Variants in PCSK6 observed in about 807,000 individuals in gnomAD.
The protein encoded by PCSK6 is proprotein convertase subtilisin/kexin type 6.
In PCSK6, 85 loss-of-function variants were observed where a neutral mutation model predicts 123.3. That is an observed-to-expected ratio of 0.69 (90% confidence interval 0.58 to 0.83). PCSK6 has a LOEUF of 0.83. Among genes scored for constraint, PCSK6 ranks in the 40% least tolerant of loss-of-function variants. The probability of loss-of-function intolerance (pLI) is 0.00; values close to 1 mark genes in which losing one functional copy is unlikely to be tolerated. For synonymous variants in PCSK6, 508 were observed against 516.0 expected, an observed-to-expected ratio of 0.98 and a Z score of 0.21; for missense variants, 1,191 against 1,282.3, an observed-to-expected ratio of 0.93 and a Z score of 1.09.
intron 13 of PCSK6, among the ~76,000 whole-genome samples, chr15:101,360,368 C>G (rs1348946442): frequency 6.6e-6 from 1 of 152,198 alleles, no homozygotes; most frequent in African/African-American, 2.4e-5. Context: ...TGACAAAGCC[C>G]AGTGCGATCT....
At chr15:101,454,325 G>A (rs1430965780) in intron 1 of PCSK6, among the ~76,000 whole-genome samples, 1 of 152,154 alleles carries the variant, frequency 6.6e-6, no homozygotes, top group East Asian at 1.9e-4. Flanking sequence ...CTGCATACCC[G>A]TGTTCACAGC....
intron 1 of PCSK6, among the ~76,000 whole-genome samples, chr15:101,463,959 A>G (rs2057397264): frequency 1.3e-5 from 2 of 152,164 alleles, no homozygotes; most frequent in African/African-American, 4.8e-5. Flanking sequence ...GTGATTTTTT[A>G]AGATTCCTGA....
At position 101,322,533 on chromosome 15, in the gene PCSK6, T is replaced by C. The variant is rs1316705498; in HGVS notation, c.2452A>G (p.Lys818Glu). The C allele has an allele frequency of 6.2e-7, 1 of 1,613,090 alleles. No individual in the cohort carries two copies. ...VDEPEKCTVC[K>E]EGFSLARGSC... ...AGGGGGTTTTACCTGAATCCTTCTTTACAGACAGTACATTTCTCAGGTTCA... is the reference window on the plus strand; with the variant it reads ...AGGGGGTTTTACCTGAATCCTTCTTCACAGACAGTACATTTCTCAGGTTCA... The change falls in exon 18 of 22, where the codon AAA becomes GAA. Residue 818 changes from lysine (K) to glutamate (E), a missense_variant. Coordinates refer to ENST00000611716, the MANE Select transcript of PCSK6 (RefSeq NM_002570.5).
intron 6 of PCSK6, among the ~76,000 whole-genome samples, chr15:101,411,820 G>A (rs1387170490): frequency 2.6e-5 from 4 of 152,206 alleles, no homozygotes; most frequent in African/African-American, 9.7e-5. Context: ...GAAACAGCAG[G>A]TAGGAAGCAG....
At chr15:101,350,047 T>A (rs910408463) in intron 13 of PCSK6, among the ~76,000 whole-genome samples, 4 of 152,106 alleles carry the variant, frequency 2.6e-5, no homozygotes, top group African/African-American at 9.7e-5. Context: ...TAGCTGAGAC[T>A]ACAGGTGCAC....
intron 6 of PCSK6, among the ~76,000 whole-genome samples, chr15:101,403,356 G>A (rs1245720041): frequency 6.7e-6 from 1 of 150,314 alleles, no homozygotes; most frequent in Non-Finnish European, 1.5e-5. Flanking sequence ...CACCAGCATG[G>A]CACATGTACA....
At chr15:101,385,994 T>C (rs1360849005) in intron 9 of PCSK6, among the ~76,000 whole-genome samples, 1 of 152,068 alleles carries the variant, frequency 6.6e-6, no homozygotes, top group Non-Finnish European at 1.5e-5. Context: ...TCCAAGACTC[T>C]CACTCCCTAA....
chr15:101,409,564 G>T (rs557828064), intron 6 of PCSK6, among the ~76,000 whole-genome samples: 2 of 139,008 alleles, frequency 1.4e-5, no homozygotes, highest in African/African-American at 5.9e-5. Flanking sequence ...CAGCCTGGGC[G>T]ACAGAGTAAG....
intron 1 of PCSK6, among the ~76,000 whole-genome samples, chr15:101,447,917 T>C (rs1379132237): frequency 1.3e-5 from 2 of 152,242 alleles, no homozygotes; most frequent in Non-Finnish European, 2.9e-5. Context: ...GGCAGCCTCC[T>C]CCTCCTTCCC....
At chr15:101,481,563 G>A (rs1030090326) in intron 1 of PCSK6, among the ~76,000 whole-genome samples, 2 of 152,156 alleles carry the variant, frequency 1.3e-5, no homozygotes, top group African/African-American at 4.8e-5. Context: ...CCCTGAGGCA[G>A]GTAGAGGCCA....
chr15:101,396,848 C>T (rs1046435054), intron 7 of PCSK6, among the ~76,000 whole-genome samples: 10 of 152,114 alleles, frequency 6.6e-5, no homozygotes, highest in Admixed American at 2.6e-4. Context: ...GTCTACACCG[C>T]CCCTCTTCCT....
intron 20 of PCSK6, chr15:101,307,617 G>A: frequency 2.8e-6 from 1 of 356,300 alleles, no homozygotes; most frequent in Non-Finnish European, 5.3e-6. Flanking sequence ...AGCTCACCTG[G>A]ACACCCTCCT....
chr15:101,475,919 C>A (rs992669386), intron 1 of PCSK6, among the ~76,000 whole-genome samples: 2 of 152,142 alleles, frequency 1.3e-5, no homozygotes, highest in Non-Finnish European at 2.9e-5. Context: ...CGGTGGGGCC[C>A]ACACACACTT....
intron 1 of PCSK6, among the ~76,000 whole-genome samples, chr15:101,471,367 C>T (rs1398437517): frequency 2.0e-5 from 3 of 152,224 alleles, no homozygotes; most frequent in Non-Finnish European, 4.4e-5. Flanking sequence ...ACCTTTCTCC[C>T]AACATCTTGC....
chr15:101,440,154 C>T (rs1003097894), intron 2 of PCSK6, among the ~76,000 whole-genome samples: 1 of 152,222 alleles, frequency 6.6e-6, no homozygotes, highest in Admixed American at 6.5e-5. Context: ...AAAACAAATG[C>T]TTTCAGTTTG....
At chr15:101,319,681 C>T (rs1396467930) in intron 18 of PCSK6, among the ~76,000 whole-genome samples, 2 of 152,050 alleles carry the variant, frequency 1.3e-5, no homozygotes, top group South Asian at 2.1e-4. Context: ...TGTAACAAAA[C>T]CTCCATAAAA....
At chr15:101,469,342 T>C (rs904198798) in intron 1 of PCSK6, among the ~76,000 whole-genome samples, 3 of 152,204 alleles carry the variant, frequency 2.0e-5, no homozygotes, top group Non-Finnish European at 4.4e-5. Context: ...ATTTGTAGTT[T>C]ACAGGCAAAT....
chr15:101,385,028 T>C (rs1199045415), intron 9 of PCSK6, among the ~76,000 whole-genome samples: 1 of 152,254 alleles, frequency 6.6e-6, no homozygotes, highest in African/African-American at 2.4e-5. Flanking sequence ...CCCTGCTTTT[T>C]GTGTGTAAGA....
intron 1 of PCSK6, among the ~76,000 whole-genome samples, chr15:101,474,944 T>A: frequency 6.6e-6 from 1 of 152,198 alleles, no homozygotes; most frequent in East Asian, 1.9e-4. Context: ...GAAGGTGAGT[T>A]GTTTTCGGAT....
Sources: allele counts gnomAD v4.1 joint callset (sites outside exome capture counted in the v4.1 genomes callset), GRCh38; gene constraint gnomAD v4.1.1; transcripts MANE v1.5; gene names NCBI Gene and HGNC (gene_info 2026-07-23, HGNC 2026-07-21).